The following CFAP161 variants were observed in gnomAD, a reference collection of about 807,000 sequenced individuals.
CFAP161 encodes the protein cilia and flagella associated protein 161, also known as cilia- and flagella-associated protein 161.
In CFAP161, 25 loss-of-function variants were observed where a neutral mutation model predicts 29.0. The ratio of observed to expected loss-of-function variants is 0.86; its 90% CI spans 0.63 to 1.20. CFAP161 has a LOEUF of 1.20. Among genes scored for constraint, CFAP161 ranks in the 50% most tolerant of loss-of-function variants. CFAP161 has a pLI of 0.00. For synonymous variants in CFAP161, 116 were observed against 137.4 expected (o/e 0.84, Z 1.09); for missense variants, 367 against 371.9 (o/e 0.99, Z 0.11).
At chr15:81,101,319 G>A (rs1014429389) in intron 1 of CFAP161, among the ~76,000 whole-genome samples, 2 of 151,852 alleles carry the variant, frequency 1.3e-5, no homozygotes, top group African/African-American at 4.8e-5. Flanking sequence ...CTGAGGTCAG[G>A]AGTTTGAGAC....
intron 1 of CFAP161, among the ~76,000 whole-genome samples, chr15:81,126,837 A>T (rs1477501299): frequency 6.6e-6 from 1 of 152,222 alleles, no homozygotes; most frequent in Non-Finnish European, 1.5e-5. Flanking sequence ...GTTCTTAAAG[A>T]CTTTTAAAAA....
At chr15:81,113,091 C>T (rs1198020561) in intron 1 of CFAP161, among the ~76,000 whole-genome samples, 3 of 152,052 alleles carry the variant, frequency 2.0e-5, no homozygotes, top group African/African-American at 7.2e-5. Context: ...AAATCCCTTG[C>T]ATATTTATTA....
chr15:81,114,820 C>T (rs866221571), intron 1 of CFAP161, among the ~76,000 whole-genome samples: 2 of 152,036 alleles, frequency 1.3e-5, no homozygotes, highest in African/African-American at 4.8e-5. Context: ...CCCACCACCA[C>T]GCCCAGCTAA....
chr15:81,110,071 C>T (rs1046336387), intron 1 of CFAP161, among the ~76,000 whole-genome samples: 1 of 152,032 alleles, frequency 6.6e-6, no homozygotes, highest in African/African-American at 2.4e-5. Context: ...TCTTATCCTT[C>T]TTAGTGCCTC....
intron 1 of CFAP161, among the ~76,000 whole-genome samples, chr15:81,114,119 A>G (rs1457319032): frequency 6.6e-6 from 1 of 152,188 alleles, no homozygotes; most frequent in Non-Finnish European, 1.5e-5. Flanking sequence ...GGGCATGGAG[A>G]AAAAATAGAC....
At chr15:81,138,282 A>C (rs753361822) in intron 4 of CFAP161, 147 bp downstream of exon 4, 21 of 657,534 alleles carry the variant, frequency 3.2e-5, no homozygotes, top group Non-Finnish European at 5.2e-5. Flanking sequence ...GCAGCTTTTC[A>C]CAGGCAGTTT....
upstream of CFAP161, among the ~76,000 whole-genome samples, chr15:81,133,207 ATATATATATATATATATGTATT>A (rs1268548537): frequency 1.3e-4 from 6 of 46,028 alleles, no homozygotes; most frequent in Non-Finnish European, 2.7e-4. Flanking sequence ...ATATATATAT[ATATATATATATATATATGTATT>A]TTTTTTTAAA....
chr15:81,116,739 G>A (rs1277036616), intron 1 of CFAP161, among the ~76,000 whole-genome samples: 1 of 152,194 alleles, frequency 6.6e-6, no homozygotes, highest in Non-Finnish European at 1.5e-5. Flanking sequence ...CACCGAGCAT[G>A]AGGCTTGTTT....
At chr15:81,148,199 C>A in intron 6 of CFAP161, 139 bp from the exon 7 acceptor site, 1 of 910,288 alleles carries the variant, frequency 1.1e-6, no homozygotes, top group Non-Finnish European at 1.7e-6. Context: ...TCCCTGCAAA[C>A]ATGTCCCATT....
At chr15:81,141,839 C>G (rs1281708045) in intron 4 of CFAP161, among the ~76,000 whole-genome samples, 2 of 151,904 alleles carry the variant, frequency 1.3e-5, no homozygotes, top group Non-Finnish European at 2.9e-5. Flanking sequence ...CACCTGCCAC[C>G]ACACCTGGCT....
At chr15:81,104,515 T>C (rs1395313598) in intron 1 of CFAP161, among the ~76,000 whole-genome samples, 1 of 152,224 alleles carries the variant, frequency 6.6e-6, no homozygotes, top group Non-Finnish European at 1.5e-5. Context: ...TGAGTGGGAC[T>C]TAGGCTGTGC....
intron 2 of CFAP161, among the ~76,000 whole-genome samples, chr15:81,128,310 G>T (rs890302402): frequency 6.6e-5 from 10 of 152,166 alleles, no homozygotes; most frequent in Non-Finnish European, 1.2e-4. Context: ...AACTTCTTCT[G>T]AAATTGGAGT....
intron 5 of CFAP161, among the ~76,000 whole-genome samples, chr15:81,145,132 G>T (rs917236173): frequency 6.6e-6 from 1 of 152,206 alleles, no homozygotes; most frequent in African/African-American, 2.4e-5. Context: ...TACTGGCCAG[G>T]AAGTGGCCGC....
intron 1 of CFAP161, among the ~76,000 whole-genome samples, chr15:81,100,532 T>A (rs1228723720): frequency 6.6e-6 from 1 of 152,146 alleles, no homozygotes; most frequent in Non-Finnish European, 1.5e-5. Flanking sequence ...ACACTGAGGC[T>A]AGCTCCATTT....
intron 4 of CFAP161, among the ~76,000 whole-genome samples, chr15:81,139,188 C>G (rs1229927764): frequency 2.6e-5 from 4 of 152,078 alleles, no homozygotes; most frequent in Non-Finnish European, 4.4e-5. Flanking sequence ...TCCTGTAGTC[C>G]CACATACTCA....
chr15:81,116,108 C>T (rs1376843000), intron 1 of CFAP161, among the ~76,000 whole-genome samples: 1 of 152,094 alleles, frequency 6.6e-6, no homozygotes, highest in East Asian at 1.9e-4. Flanking sequence ...AGCAACAGTA[C>T]AGACGTTTTC....
In CFAP161 at chr15:81,149,148, C is replaced by G. The variant is rs1193334771; in HGVS notation, c.*615C>G. On this transcript the variant is annotated 3_prime_UTR_variant, in exon 7 of 7. Transcript: ENST00000286732. ...GTGGCACCCATGTGATTAGATAGTT[C>G]CTGACAAAATAAATGTATGTCCTTC... 6.6e-6 allele frequency: 1 copy of G among 152,206 alleles called. No homozygotes were observed. The highest frequency in any genetic ancestry group is 1.5e-5 in the Non-Finnish European group (1 of 68,060). 9.4% of individuals were successfully genotyped at this position (152,206 alleles called of 1,614,324 possible).
At chr15:81,124,345 C>T (rs2683243) in intron 1 of CFAP161, among the ~76,000 whole-genome samples, 86,880 of 152,018 alleles carry the variant, frequency 0.57, 26,087 homozygotes, top group Non-Finnish European at 0.68. Context: ...ACCAACATTA[C>T]ATCCTGGGGA....
At chr15:81,105,595 A>G (rs928365247) in intron 1 of CFAP161, among the ~76,000 whole-genome samples, 25 of 152,092 alleles carry the variant, frequency 1.6e-4, no homozygotes, top group African/African-American at 6.0e-4. Flanking sequence ...GTGGAGGGAT[A>G]GCAACTTATC....
Sources: allele counts gnomAD v4.1 joint callset (sites outside exome capture counted in the v4.1 genomes callset), GRCh38; gene constraint gnomAD v4.1.1; transcripts MANE v1.5; gene names NCBI Gene and HGNC (gene_info 2026-07-23, HGNC 2026-07-21).